Variants in RNF180 observed in about 807,000 individuals in gnomAD.
RNF180 encodes E3 ubiquitin-protein ligase RNF180.
Under a neutral mutation model 59.2 loss-of-function variants are expected in RNF180, and 38 were observed. The observed-to-expected ratio is 0.64, with a 90% CI of 0.50 to 0.84. The LOEUF is 0.84. RNF180 is among the 40% of genes least tolerant of loss of function. RNF180 has a pLI of 0.00. For synonymous variants in RNF180, 262 were observed against 240.3 expected, an observed-to-expected ratio of 1.09 and a Z score of -0.84; for missense variants, 705 against 700.9, an observed-to-expected ratio of 1.01 and a Z score of -0.07.
chr5:64,314,719 T>G (rs890019360), intron 5 of RNF180, among the ~76,000 whole-genome samples: 1 of 152,228 alleles, frequency 6.6e-6, no homozygotes, highest in East Asian at 1.9e-4. Context: ...TTGTTTTACA[T>G]TTTTACAAAT....
chr5:64,186,846 A>G (rs535883444), intron 1 of RNF180, among the ~76,000 whole-genome samples: 192 of 152,302 alleles, frequency 1.3e-3, no homozygotes, highest in Non-Finnish European at 1.9e-3. Context: ...CATGCACACA[A>G]CATTTTGGAA....
At chr5:64,229,419 A>G (rs923801195) in intron 5 of RNF180, among the ~76,000 whole-genome samples, 3 of 152,208 alleles carry the variant, frequency 2.0e-5, no homozygotes, top group African/African-American at 7.2e-5. Context: ...TCCACCAAAG[A>G]ACTTCATTTA....
Position 64,276,319 on chromosome 5 carries a change from G to GGTGTGTGTGTGTGT in RNF180, c.1228-48840_1228-48827dup, listed in dbSNP as rs375203511. Among the ~76,000 whole-genome samples, 574 of 138,162 alleles carry GGTGTGTGTGTGTGT rather than the reference G, an allele frequency of 4.2e-3. 3 individuals are homozygous for GGTGTGTGTGTGTGT. The highest frequency in any genetic ancestry group is 9.3e-3 in the African/African-American group (335 of 36,164). The allele number at this position is 138,162 out of a possible 152,430, so 90.6% of individuals were successfully genotyped here. A position where few individuals can be genotyped will look rare whatever the true frequency, so the allele number is the denominator to read the frequency against. On this transcript the variant is annotated intron_variant, in intron 5 of 7. Transcript: ENST00000389100. ...CAGAACTGGGAACAAAAAATACATTGGTGTGTGTGTGTGTGTGTGTGTGTG... is the reference window on the plus strand; with the variant it reads ...CAGAACTGGGAACAAAAAATACATTGGTGTGTGTGTGTGTGTGTGTGTGTGTGTGTGTGTGTGTG...
At chr5:64,176,976 C>G (rs1750272412) in intron 1 of RNF180, among the ~76,000 whole-genome samples, 1 of 152,106 alleles carries the variant, frequency 6.6e-6, no homozygotes, top group East Asian at 1.9e-4. Context: ...TGGGGGCTGT[C>G]TACTCAAAGT....
At chr5:64,253,955 A>AT (rs1208803950) in intron 5 of RNF180, among the ~76,000 whole-genome samples, 2 of 152,062 alleles carry the variant, frequency 1.3e-5, no homozygotes, top group African/African-American at 2.4e-5. Flanking sequence ...AAGTGAACTT[A>AT]TTTTTTATAT....
At chr5:64,256,091 T>C (rs866895490) in intron 5 of RNF180, among the ~76,000 whole-genome samples, 59 of 152,352 alleles carry the variant, frequency 3.9e-4, no homozygotes, top group Middle Eastern at 3.4e-3. Context: ...TTGTAGATTC[T>C]GGATATTAGC....
At chr5:64,198,937 T>C (rs1751590527) in intron 1 of RNF180, among the ~76,000 whole-genome samples, 1 of 152,022 alleles carries the variant, frequency 6.6e-6, no homozygotes, top group South Asian at 2.1e-4. Flanking sequence ...TGCCTCAGCC[T>C]CCCAAGTAGC....
At chr5:64,201,999 A>AT (rs1751779934) in intron 2 of RNF180, among the ~76,000 whole-genome samples, 1 of 152,224 alleles carries the variant, frequency 6.6e-6, no homozygotes, top group Admixed American at 6.5e-5. Context: ...TAACATTTTA[A>AT]TTAGGAAAAT....
intron 5 of RNF180, among the ~76,000 whole-genome samples, chr5:64,305,978 A>G (rs1743427563): frequency 6.6e-6 from 1 of 151,670 alleles, no homozygotes; most frequent in South Asian, 2.1e-4. Context: ...TTTCGACAAA[A>G]TAAGTCAGAT....
At chr5:64,257,832 G>A (rs894173087) in intron 5 of RNF180, among the ~76,000 whole-genome samples, 1 of 152,104 alleles carries the variant, frequency 6.6e-6, no homozygotes, top group Non-Finnish European at 1.5e-5. Context: ...AGAGATCAAC[G>A]AGACAGAAAG....
intron 1 of RNF180, among the ~76,000 whole-genome samples, chr5:64,174,625 A>C (rs939595428): frequency 6.6e-6 from 1 of 152,074 alleles, no homozygotes; most frequent in Non-Finnish European, 1.5e-5. Flanking sequence ...TTTGACATCT[A>C]TTCAGGTCTT....
chr5:64,268,347 T>C (rs1744807671), intron 5 of RNF180, among the ~76,000 whole-genome samples: 1 of 152,178 alleles, frequency 6.6e-6, no homozygotes, highest in Admixed American at 6.5e-5. Context: ...TAAGAGGCAA[T>C]GAAATATTTT....
At chr5:64,348,603 G>C (rs1302985137) in intron 7 of RNF180, among the ~76,000 whole-genome samples, 1 of 151,938 alleles carries the variant, frequency 6.6e-6, no homozygotes, top group South Asian at 2.1e-4. Flanking sequence ...TGAAGCAATA[G>C]CGATTTTTTT....
At position 64,213,746 on chromosome 5, in the gene RNF180, T is replaced by A. The variant is rs1302944621; in HGVS notation, c.420T>A (p.His140Gln). ...LMRPSVKYLS[H>Q]PRVQSGCDKE... Reference sequence around the variant, plus strand: ...GACCATCAGTGAAATACTTGTCACATCCTAGAGTTCAGTCAGGTTGTGACA... The same window carrying A: ...GACCATCAGTGAAATACTTGTCACAACCTAGAGTTCAGTCAGGTTGTGACA... Residue 140 changes from histidine (H) to glutamine (Q), a missense_variant, in exon 4 of 8, where the codon CAT (histidine) becomes CAA (glutamine). His to Gln is a conservative substitution (Grantham distance 24). Coordinates refer to ENST00000389100, the MANE Select transcript of RNF180 (RefSeq NM_001113561.2). 1.9e-6 allele frequency: 3 copies of A among 1,614,012 alleles called. No homozygotes were observed. Among genetic ancestry groups the A allele is most frequent in the Non-Finnish European group, 2.5e-6 (3 of 1,179,994 alleles).
At chr5:64,193,104 A>G (rs970583821) in intron 1 of RNF180, among the ~76,000 whole-genome samples, 3 of 151,734 alleles carry the variant, frequency 2.0e-5, no homozygotes, top group African/African-American at 7.3e-5. Context: ...GATGCAGGGA[A>G]TAGAATTGTG....
chr5:64,355,447 T>C (rs899312860), intron 7 of RNF180, among the ~76,000 whole-genome samples: 1 of 151,966 alleles, frequency 6.6e-6, no homozygotes, highest in Admixed American at 6.6e-5. Flanking sequence ...CCTGTGTTGA[T>C]GCATTAGAAG....
intron 5 of RNF180, among the ~76,000 whole-genome samples, chr5:64,320,221 T>TCCTGCCCTTCCACTTCCCATGTA (rs1230282420): frequency 6.6e-6 from 1 of 152,188 alleles, no homozygotes; most frequent in African/African-American, 2.4e-5. Context: ...CTAGTCTTGA[T>TCCTGCCCTTCCACTTCCCATGTA]CCTGCCCTTC....
At chr5:64,174,122 A>G (rs1439691687) in intron 1 of RNF180, among the ~76,000 whole-genome samples, 2 of 152,222 alleles carry the variant, frequency 1.3e-5, no homozygotes, top group African/African-American at 4.8e-5. Flanking sequence ...CCATGTTGCC[A>G]CAAATGACAG....
At chr5:64,175,094 A>G (rs1220477991) in intron 1 of RNF180, among the ~76,000 whole-genome samples, 1 of 151,206 alleles carries the variant, frequency 6.6e-6, no homozygotes, top group Non-Finnish European at 1.5e-5. Flanking sequence ...CAGCCTTCCA[A>G]ATAGCTGGGA....
Sources: allele counts gnomAD v4.1 joint callset (sites outside exome capture counted in the v4.1 genomes callset), GRCh38; gene constraint gnomAD v4.1.1; transcripts MANE v1.5; gene names NCBI Gene and HGNC (gene_info 2026-07-23, HGNC 2026-07-21).